SH3KBP1: variants seen among roughly 807,000 people sequenced by gnomAD.
SH3KBP1 encodes the protein SH3 domain containing kinase binding protein 1.
A neutral mutation model predicts 50.1 loss-of-function variants in SH3KBP1; 8 were observed. The observed-to-expected ratio is 0.16, with a 90% confidence interval of 0.09 to 0.29. SH3KBP1 has a LOEUF of 0.29. Among genes scored for constraint, SH3KBP1 ranks in the 10% least tolerant of loss-of-function variants. The probability of loss-of-function intolerance (pLI) is 1.00; values close to 1 mark genes in which losing one functional copy is unlikely to be tolerated. For missense variants in SH3KBP1, 377 were observed against 535.2 expected (o/e 0.70, Z 2.92); for synonymous variants, 227 against 218.6 (o/e 1.04, Z -0.34).
intron 3 of SH3KBP1, among the ~76,000 whole-genome samples, chrX:19,717,665 T>C (rs771570144): frequency 1.8e-5 from 2 of 112,054 alleles, no homozygotes; most frequent in East Asian, 2.8e-4. Context: ...TGCAGTCTTG[T>C]TGGTGTGTCG....
At chrX:19,638,365 G>A (rs184785027) in intron 7 of SH3KBP1, among the ~76,000 whole-genome samples, 7 of 101,370 alleles carry the variant, frequency 6.9e-5, no homozygotes, top group Admixed American at 2.1e-4. Flanking sequence ...AGCCAAGATC[G>A]CGCCACTGCA....
At chrX:19,807,766 G>A (rs1460606360) in intron 2 of SH3KBP1, among the ~76,000 whole-genome samples, 1 of 112,306 alleles carries the variant, frequency 8.9e-6, no homozygotes, top group African/African-American at 3.2e-5. Context: ...TAAGATACAT[G>A]TGTGTTTTGA....
chrX:19,762,012 C>G (rs933887810), intron 2 of SH3KBP1, among the ~76,000 whole-genome samples: 1 of 112,321 alleles, frequency 8.9e-6, no homozygotes, highest in Non-Finnish European at 1.9e-5. Flanking sequence ...AAGGGACAGT[C>G]TGGTTGTGTC....
intron 7 of SH3KBP1, among the ~76,000 whole-genome samples, chrX:19,642,135 G>T (rs923845339): frequency 7.1e-5 from 8 of 112,298 alleles, no homozygotes; most frequent in African/African-American, 2.3e-4. Context: ...GAGCCACCGT[G>T]CATGGTGCTA....
intron 6 of SH3KBP1, among the ~76,000 whole-genome samples, chrX:19,650,475 C>T (rs773077699): frequency 1.3e-4 from 15 of 111,763 alleles, no homozygotes; most frequent in African/African-American, 3.3e-4. Context: ...CTCACTATCA[C>T]GAGAACAGCA....
At chrX:19,615,992 C>G (rs1477936131) in intron 8 of SH3KBP1, among the ~76,000 whole-genome samples, 1 of 108,995 alleles carries the variant, frequency 9.2e-6, no homozygotes, top group East Asian at 2.9e-4. Flanking sequence ...AAAGTAGAGC[C>G]ATTGTTGAAC....
chrX:19,736,255 C>T (rs769365650), intron 3 of SH3KBP1, among the ~76,000 whole-genome samples: 2 of 112,255 alleles, frequency 1.8e-5, no homozygotes, highest in African/African-American at 6.5e-5. Flanking sequence ...TATCCCAAAA[C>T]CTATTTTCTT....
intron 3 of SH3KBP1, among the ~76,000 whole-genome samples, chrX:19,710,696 T>C (rs1458985184): frequency 9.0e-6 from 1 of 111,194 alleles, no homozygotes; most frequent in East Asian, 2.8e-4. Context: ...AAAGACATAG[T>C]ATATATAGGA....
chrX:19,680,181 C>A (rs1424804599), intron 6 of SH3KBP1, among the ~76,000 whole-genome samples: 2 of 109,955 alleles, frequency 1.8e-5, no homozygotes, highest in African/African-American at 6.6e-5. Context: ...TCAAGACCAG[C>A]CTGGTCAACG....
At chrX:19,702,908 T>G (rs2063561847) in intron 4 of SH3KBP1, among the ~76,000 whole-genome samples, 1 of 112,664 alleles carries the variant, frequency 8.9e-6, no homozygotes, top group South Asian at 3.6e-4. Flanking sequence ...ATTCACAGCC[T>G]GCTACTTTCC....
In SH3KBP1 at chrX:19,873,311, TAC is replaced by T. The variant is rs1556422855; in HGVS notation, c.4+13994_4+13995del. 3.5e-4 allele frequency among the ~76,000 whole-genome samples: 34 copies of T among 96,113 alleles called. 1 individual carries two copies. The highest frequency in any genetic ancestry group is 1.4e-3 in the African/African-American group (33 of 23,495). The allele number at this position is 96,113 out of a possible 115,157, so 83.5% of individuals were successfully genotyped here. A position where few individuals can be genotyped will look rare whatever the true frequency, so the allele number is the denominator to read the frequency against. ...ATATGTATATATATATATATATATA[TAC>T]ATATACATATATATACATGTATATA... is the stretch of plus-strand genomic sequence containing the variant. On this transcript the variant is annotated intron_variant, in intron 1 of 17. Transcript: ENST00000397821.
intron 2 of SH3KBP1, among the ~76,000 whole-genome samples, chrX:19,813,363 C>T (rs1287400294): frequency 9.4e-6 from 1 of 106,737 alleles, no homozygotes; most frequent in East Asian, 2.9e-4. Context: ...GTATGATTGA[C>T]AAAGAAAAAT....
chrX:19,747,518 C>A, intron 2 of SH3KBP1: 1 of 281,736 alleles, frequency 3.5e-6, no homozygotes, highest in South Asian at 3.4e-5. Context: ...ATGGGCTCCC[C>A]GCTGGAAGGA....
intron 4 of SH3KBP1, among the ~76,000 whole-genome samples, chrX:19,706,585 G>A (rs900576823): frequency 4.1e-4 from 46 of 110,956 alleles, no homozygotes; most frequent in Non-Finnish European, 7.2e-4. Context: ...GATGCCCAGA[G>A]TCTATGCTCA....
At position 19,676,642 on chromosome X, in the gene SH3KBP1, C is replaced by CA. The variant is rs199650100; in HGVS notation, c.726+7180dup. The stretch of plus-strand genomic sequence containing the variant: ...ATTATGTACCCACAAAAATTAAATA[C>CA]AAAAAAAAAGACTACCTGAGATACG... On this transcript the variant is annotated intron_variant, in intron 6 of 17. Coordinates refer to ENST00000397821, the MANE Select transcript of SH3KBP1 (RefSeq NM_031892.3). Among the ~76,000 whole-genome samples the CA allele has an allele frequency of 5.7e-4, 62 of 108,154 alleles. 1 individual carries two copies. Among genetic ancestry groups the CA allele is most frequent in the African/African-American group, 1.6e-3 (47 of 29,789 alleles). 93.9% of individuals were successfully genotyped at this position (108,154 alleles called of 115,157 possible).
chrX:19,609,918 G>A (rs748294696), intron 8 of SH3KBP1, among the ~76,000 whole-genome samples: 10 of 111,764 alleles, frequency 8.9e-5, no homozygotes, highest in Non-Finnish European at 1.9e-4. Context: ...TAAACTCGTG[G>A]GAATTCTCTA....
intron 1 of SH3KBP1, among the ~76,000 whole-genome samples, chrX:19,866,109 G>C (rs1465977137): frequency 1.8e-5 from 2 of 111,832 alleles, no homozygotes; most frequent in Non-Finnish European, 3.8e-5. Context: ...TAAAATGCAG[G>C]ATGAGAGCCC....
intron 3 of SH3KBP1, among the ~76,000 whole-genome samples, chrX:19,716,574 G>A (rs1449032687): frequency 1.8e-5 from 2 of 111,895 alleles, no homozygotes; most frequent in African/African-American, 3.3e-5. Context: ...ATTTATTAGA[G>A]CCTTTGAGCC....
intron 1 of SH3KBP1, among the ~76,000 whole-genome samples, chrX:19,886,173 C>T (rs2069578096): frequency 8.9e-6 from 1 of 112,282 alleles, no homozygotes; most frequent in African/African-American, 3.2e-5. Context: ...CAAATGACCA[C>T]AAATGGGATT....
Sources: gnomAD v4.1 joint callset for allele counts (sites outside exome capture counted in the v4.1 genomes callset) on GRCh38, gnomAD v4.1.1 for gene constraint, MANE v1.5 for transcripts, NCBI Gene and HGNC (gene_info 2026-07-23, HGNC 2026-07-21) for gene names.